Variants in FAM135B observed in about 807,000 individuals in gnomAD.
The protein encoded by FAM135B is protein FAM135B.
FAM135B carries 43 observed loss-of-function variants against 127.7 expected under a neutral mutation model. The ratio of observed to expected loss-of-function variants is 0.34; its 90% CI spans 0.26 to 0.43. The LOEUF (loss-of-function observed/expected upper bound fraction) is 0.43, where lower values mean the gene tolerates loss of function less well. Among genes scored for constraint, FAM135B ranks in the 20% least tolerant of loss-of-function variants. The pLI is 1.00. For missense variants in FAM135B, 1,558 were observed against 1,725.6 expected, an observed-to-expected ratio of 0.90 and a Z score of 1.72; for synonymous variants, 670 against 665.1, an observed-to-expected ratio of 1.01 and a Z score of -0.11.
At chr8:138,336,025 G>A (rs1391321021) in intron 2 of FAM135B, among the ~76,000 whole-genome samples, 1 of 152,102 alleles carries the variant, frequency 6.6e-6, no homozygotes, top group African/African-American at 2.4e-5. Context: ...ATAATGAAAT[G>A]AAGGCAGAAA....
chr8:138,364,307 A>G (rs1830612057), intron 2 of FAM135B, among the ~76,000 whole-genome samples: 1 of 152,190 alleles, frequency 6.6e-6, no homozygotes, highest in African/African-American at 2.4e-5. Context: ...CAGTCTGTCC[A>G]CAGCTGCCCA....
chr8:138,364,418 C>A (rs1190825873), intron 2 of FAM135B, among the ~76,000 whole-genome samples: 1 of 152,166 alleles, frequency 6.6e-6, no homozygotes, highest in Non-Finnish European at 1.5e-5. Context: ...GTGCATCCAC[C>A]TGAGAGGTCT....
intron 4 of FAM135B, among the ~76,000 whole-genome samples, chr8:138,262,037 G>A (rs146756035): frequency 4.6e-5 from 7 of 152,186 alleles, no homozygotes; most frequent in South Asian, 2.1e-4. Context: ...ATTGTTTGCT[G>A]CCATATGGAT....
At chr8:138,481,033 T>C (rs780054439) in intron 1 of FAM135B, among the ~76,000 whole-genome samples, 2 of 152,238 alleles carry the variant, frequency 1.3e-5, no homozygotes, top group Non-Finnish European at 2.9e-5. Flanking sequence ...AAAAAGAAAC[T>C]ACTGTCTGTT....
chr8:138,133,002 A>C (rs2130493938), intron 19 of FAM135B, among the ~76,000 whole-genome samples: 1 of 151,972 alleles, frequency 6.6e-6, no homozygotes, highest in East Asian at 1.9e-4. Flanking sequence ...GCCAGAAGTC[A>C]GAAGGGGATT....
At chr8:138,181,036 C>T (rs138398744) in intron 9 of FAM135B, among the ~76,000 whole-genome samples, 5,866 of 150,252 alleles carry the variant, frequency 0.039, 355 homozygotes, top group African/African-American at 0.13. Flanking sequence ...GTCAAGAGAA[C>T]GAGACCATCC....
intron 1 of FAM135B, among the ~76,000 whole-genome samples, chr8:138,382,647 C>G (rs538720307): frequency 6.6e-6 from 1 of 152,068 alleles, no homozygotes; most frequent in Non-Finnish European, 1.5e-5. Context: ...CTGTGAAAAA[C>G]CAAAGAATTT....
chr8:138,203,603 A>C (rs1344236519), intron 7 of FAM135B, among the ~76,000 whole-genome samples: 1 of 152,066 alleles, frequency 6.6e-6, no homozygotes, highest in African/African-American at 2.4e-5. Flanking sequence ...AGAAAGTTCG[A>C]ATTCTTTTGT....
intron 3 of FAM135B, among the ~76,000 whole-genome samples, chr8:138,291,009 G>A (rs1461525477): frequency 6.6e-6 from 1 of 152,128 alleles, no homozygotes; most frequent in Non-Finnish European, 1.5e-5. Context: ...GTGACCAGGA[G>A]GCTCAGGGAC....
Position 138,314,769 on chromosome 8 carries a change from A to G in FAM135B, c.78-3849T>C, listed in dbSNP as rs1031138278. ...ATGCCTGTAGTCTGTAGTCTCAGTTACTTGAAGGGCTGAGGTGGGAAAATC... is the reference window on the plus strand; with the variant it reads ...ATGCCTGTAGTCTGTAGTCTCAGTTGCTTGAAGGGCTGAGGTGGGAAAATC... On this transcript the variant is annotated intron_variant, in intron 2 of 19. Coordinates refer to ENST00000395297, the MANE Select transcript of FAM135B (RefSeq NM_015912.4). Among the ~76,000 whole-genome samples the G allele has an allele frequency of 2.1e-5, 3 of 144,860 alleles. No homozygotes were observed. The South Asian group carries it at 6.7e-4, about 32-fold the overall frequency.
intron 11 of FAM135B, among the ~76,000 whole-genome samples, chr8:138,171,133 T>C (rs1233352030): frequency 1.3e-5 from 2 of 152,204 alleles, no homozygotes; most frequent in African/African-American, 2.4e-5. Context: ...ATGGGACTTC[T>C]TGGTCTCCAC....
intron 13 of FAM135B, among the ~76,000 whole-genome samples, chr8:138,150,524 T>C (rs993318043): frequency 2.0e-5 from 3 of 152,012 alleles, no homozygotes; most frequent in African/African-American, 7.2e-5. Context: ...AAAAATTAGC[T>C]GGGTGTGGTG....
At chr8:138,236,831 G>A (rs1330241031) in intron 7 of FAM135B, among the ~76,000 whole-genome samples, 1 of 152,136 alleles carries the variant, frequency 6.6e-6, no homozygotes, top group Non-Finnish European at 1.5e-5. Flanking sequence ...ATGGTGAATG[G>A]ATCACAGGAT....
At chr8:138,379,657 A>ATTAATTGTT (rs1831714315) in intron 1 of FAM135B, among the ~76,000 whole-genome samples, 1 of 152,146 alleles carries the variant, frequency 6.6e-6, no homozygotes, top group South Asian at 2.1e-4. Context: ...ACAGCCAACA[A>ATTAATTGTT]GGCTGGTTCA....
intron 1 of FAM135B, among the ~76,000 whole-genome samples, chr8:138,488,259 T>G (rs929058673): frequency 6.6e-6 from 1 of 152,210 alleles, no homozygotes; most frequent in African/African-American, 2.4e-5. Context: ...AAACATTTAT[T>G]GCACGCTAAA....
chr8:138,344,258 T>C (rs905779136), intron 2 of FAM135B, among the ~76,000 whole-genome samples: 9 of 152,210 alleles, frequency 5.9e-5, no homozygotes, highest in Non-Finnish European at 8.8e-5. Flanking sequence ...GGTTCAGTCC[T>C]GTGGGGCTGC....
At chr8:138,413,497 A>G (rs1252078154) in intron 1 of FAM135B, among the ~76,000 whole-genome samples, 1 of 152,236 alleles carries the variant, frequency 6.6e-6, no homozygotes, top group Non-Finnish European at 1.5e-5. Context: ...AAACTAGAAC[A>G]TCTGACTGCC....
At chr8:138,319,337 C>A (rs574373091) in intron 2 of FAM135B, among the ~76,000 whole-genome samples, 1 of 152,284 alleles carries the variant, frequency 6.6e-6, no homozygotes, top group African/African-American at 2.4e-5. Flanking sequence ...GAACTCCTGA[C>A]CTCAGGTGAT....
chr8:138,306,477 A>G (rs768008271), intron 3 of FAM135B, among the ~76,000 whole-genome samples: 1 of 151,744 alleles, frequency 6.6e-6, no homozygotes, highest in African/African-American at 2.4e-5. Flanking sequence ...GGAAACTACC[A>G]GATGAGACTG....
Sources: gnomAD v4.1 joint callset for allele counts (sites outside exome capture counted in the v4.1 genomes callset) on GRCh38, gnomAD v4.1.1 for gene constraint, MANE v1.5 for transcripts, NCBI Gene and HGNC (gene_info 2026-07-23, HGNC 2026-07-21) for gene names.